The following SCEL variants were observed in gnomAD, a reference collection of about 807,000 sequenced individuals.
SCEL encodes the protein sciellin.
Under a neutral mutation model 117.6 loss-of-function variants are expected in SCEL, and 113 were observed. That is an observed-to-expected ratio of 0.96 (90% CI 0.83 to 1.12). The LOEUF is 1.12. SCEL is among the 50% of genes most tolerant of loss of function. The pLI, the probability that SCEL is intolerant of heterozygous loss-of-function variation, is 0.00. For synonymous variants in SCEL, 270 were observed against 256.2 expected, an observed-to-expected ratio of 1.05 and a Z score of -0.51; for missense variants, 785 against 810.8, an observed-to-expected ratio of 0.97 and a Z score of 0.39.
intron 1 of SCEL, among the ~76,000 whole-genome samples, chr13:77,547,982 T>C (rs1400634292): frequency 6.6e-6 from 1 of 152,178 alleles, no homozygotes; most frequent in Admixed American, 6.5e-5. Context: ...TATATAGCTC[T>C]CTGGCCAAAA....
intron 12 of SCEL, among the ~76,000 whole-genome samples, chr13:77,595,165 C>T (rs990856084): frequency 6.6e-6 from 1 of 152,142 alleles, no homozygotes; most frequent in Non-Finnish European, 1.5e-5. Context: ...GTTTAACTTT[C>T]CTGTCCCTGC....
At chr13:77,641,101 T>C (rs1406615155) in intron 31 of SCEL, among the ~76,000 whole-genome samples, 1 of 152,188 alleles carries the variant, frequency 6.6e-6, no homozygotes, top group Non-Finnish European at 1.5e-5. Flanking sequence ...AAATTATGCA[T>C]TACAGAAAAT....
intron 30 of SCEL, among the ~76,000 whole-genome samples, chr13:77,637,413 AAT>A (rs3039404): frequency 0.81 from 87,932 of 108,126 alleles, 38,291 homozygotes; most frequent in South Asian, 0.92. Flanking sequence ...TATATAAATA[AAT>A]ATATATATAT....
Position 77,589,327 on chromosome 13 carries a change from G to A in SCEL, c.626+103G>A, listed in dbSNP as rs371009342. ...TGGGCAAAGCATGAATGTTTTGTGT[G>A]CACATTCCCTAAAGAAGCGCCTGTA... On this transcript the variant is annotated intron_variant, in intron 10 of 32. Coordinates refer to ENST00000349847, the MANE Select transcript of SCEL (RefSeq NM_144777.3). 3.9e-5 allele frequency: 29 copies of A among 752,256 alleles called. No individual in the cohort carries two copies. In the East Asian group the frequency reaches 6.6e-4, roughly 17 times the overall value. 46.6% of individuals were successfully genotyped at this position (752,256 alleles called of 1,614,324 possible). A position where few individuals can be genotyped will look rare whatever the true frequency, so the allele number is the denominator to read the frequency against.
chr13:77,578,197 A>G (rs2086063270), intron 9 of SCEL, among the ~76,000 whole-genome samples: 2 of 152,048 alleles, frequency 1.3e-5, no homozygotes, highest in Admixed American at 1.3e-4. Flanking sequence ...TGGAGAAAAA[A>G]GATATGACCA....
chr13:77,537,214 CT>C, intron 1 of SCEL, among the ~76,000 whole-genome samples: 1 of 152,214 alleles, frequency 6.6e-6, no homozygotes, highest in East Asian at 1.9e-4. Flanking sequence ...AATCTTAGAT[CT>C]AATTGACAGA....
chr13:77,634,689 A>C (rs948597492), intron 29 of SCEL, among the ~76,000 whole-genome samples: 1 of 152,236 alleles, frequency 6.6e-6, no homozygotes, highest in East Asian at 1.9e-4. Context: ...ACATGTATAC[A>C]TAATAGGGTT....
At chr13:77,615,844 C>A (rs1334399078) in intron 24 of SCEL, among the ~76,000 whole-genome samples, 1 of 151,878 alleles carries the variant, frequency 6.6e-6, no homozygotes, top group Admixed American at 6.6e-5. Context: ...GTTTTCTAAG[C>A]TAATGTTTCT....
chr13:77,640,161 G>T (rs1728779835), intron 30 of SCEL, among the ~76,000 whole-genome samples: 1 of 152,056 alleles, frequency 6.6e-6, no homozygotes, highest in South Asian at 2.1e-4. Flanking sequence ...GTGTTTTGGT[G>T]ACTCTGGCCC....
intron 9 of SCEL, among the ~76,000 whole-genome samples, chr13:77,575,596 C>T (rs1482815622): frequency 6.6e-6 from 1 of 152,134 alleles, no homozygotes; most frequent in Non-Finnish European, 1.5e-5. Flanking sequence ...AGTTAAGACT[C>T]GAATATCTTT....
intron 16 of SCEL, 111 bp from the exon 17 acceptor site, chr13:77,602,543 A>T: frequency 3.6e-6 from 3 of 838,480 alleles, no homozygotes; most frequent in Admixed American, 4.1e-5. Context: ...CTTTTTGGTC[A>T]TTTGGTCCTG....
At position 77,627,951 on chromosome 13, in the gene SCEL, C is replaced by A; in HGVS notation, c.1633C>A (p.Gln545Lys). The change falls in exon 28 of 33, where the codon CAG (glutamine) becomes AAG (lysine). Residue 545 changes from glutamine (Q) to lysine (K), a missense_variant. By Grantham distance (53) the Gln-to-Lys change is moderately conservative (BLOSUM62 1). Coordinates refer to ENST00000349847, the MANE Select transcript of SCEL (RefSeq NM_144777.3). Reference protein sequence around the residue: ...PSALRNTNRDQNLENLIEVNS... With the variant: ...PSALRNTNRDKNLENLIEVNS... ...TATATATATTTTTTTCCTTAGAGAC[C>A]AGAACCTGGAAAATTTAATTGAAGT... 6.9e-7 allele frequency: 1 copy of A among 1,440,680 alleles called. No homozygotes were observed. The highest frequency in any genetic ancestry group is 9.5e-7 in the Non-Finnish European group (1 of 1,048,032). 89.2% of individuals were successfully genotyped at this position (1,440,680 alleles called of 1,614,324 possible). A position where few individuals can be genotyped will look rare whatever the true frequency, so the allele number is the denominator to read the frequency against.
chr13:77,623,022 G>A (rs149555903), intron 27 of SCEL, among the ~76,000 whole-genome samples: 7 of 152,202 alleles, frequency 4.6e-5, no homozygotes, highest in African/African-American at 1.7e-4. Flanking sequence ...CTACACCACC[G>A]CCATGAAAGG....
At chr13:77,604,324 T>C in intron 18 of SCEL, 32 bp from the exon 19 acceptor site, 2 of 1,363,820 alleles carry the variant, frequency 1.5e-6, no homozygotes, top group Non-Finnish European at 2.0e-6. Flanking sequence ...TACTTTAACA[T>C]CATTCATTAA....
At chr13:77,576,308 C>G (rs1000321449) in intron 9 of SCEL, among the ~76,000 whole-genome samples, 121 of 20,800 alleles carry the variant, frequency 5.8e-3, no homozygotes, top group South Asian at 0.012. Context: ...TTTCGAGAAC[C>G]AGCACACTCC....
chr13:77,628,374 A>G (rs912410182), intron 28 of SCEL, among the ~76,000 whole-genome samples: 1 of 151,950 alleles, frequency 6.6e-6, no homozygotes, highest in Non-Finnish European at 1.5e-5. Context: ...TTGCTTGGTA[A>G]GCTCTCAGCA....
intron 12 of SCEL, among the ~76,000 whole-genome samples, chr13:77,596,137 A>T (rs1048901295): frequency 6.6e-6 from 1 of 152,184 alleles, no homozygotes; most frequent in Admixed American, 6.5e-5. Flanking sequence ...GTTCAAGACC[A>T]GCTTGGCAAA....
intron 27 of SCEL, 55 bp from the exon 28 acceptor site, chr13:77,627,889 TTTC>T (rs1001086791): frequency 5.7e-6 from 4 of 705,580 alleles, no homozygotes; most frequent in Non-Finnish European, 6.7e-6. Flanking sequence ...GTTTTAGCAT[TTTC>T]TTATTTCCTA....
At chr13:77,599,829 C>A in intron 15 of SCEL, 81 bp downstream of exon 15, 2 of 984,276 alleles carry the variant, frequency 2.0e-6, no homozygotes, top group Non-Finnish European at 3.3e-6. Context: ...CTGCTTAGTA[C>A]AAGGGTCAGG....
Sources: gnomAD v4.1 joint callset for allele counts (sites outside exome capture counted in the v4.1 genomes callset) on GRCh38, gnomAD v4.1.1 for gene constraint, MANE v1.5 for transcripts, NCBI Gene and HGNC (gene_info 2026-07-23, HGNC 2026-07-21) for gene names.